Variants in CFAP54 observed in about 807,000 individuals in gnomAD.
CFAP54 encodes the protein cilia and flagella associated protein 54, also known as cilia- and flagella-associated protein 54.
In CFAP54, 290 loss-of-function variants were observed where a neutral mutation model predicts 370.4. The ratio of observed to expected loss-of-function variants is 0.78; its 90% confidence interval spans 0.71 to 0.86. The LOEUF is 0.86. Ranked by LOEUF, CFAP54 falls within the 40% of genes least tolerant of loss-of-function variation. The probability of loss-of-function intolerance (pLI) is 0.00; values close to 1 mark genes in which losing one functional copy is unlikely to be tolerated. For synonymous variants in CFAP54, 1,206 were observed against 1,236.5 expected, an observed-to-expected ratio of 0.98 and a Z score of 0.52; for missense variants, 3,399 against 3,528.7, an observed-to-expected ratio of 0.96 and a Z score of 0.93.
At chr12:96,639,267 A>T (rs1956697783) in intron 32 of CFAP54, among the ~76,000 whole-genome samples, 1 of 152,238 alleles carries the variant, frequency 6.6e-6, no homozygotes, top group Admixed American at 6.5e-5. Context: ...ATCCCACAGA[A>T]ATACAAACTA....
rs576913859 is a variant in CFAP54 at position 96,527,891 on chromosome 12, A to G, written c.1357+447A>G. Among the ~76,000 whole-genome samples the G allele has an allele frequency of 2.3e-3, 350 of 152,326 alleles. 3 individuals carry two copies. Among genetic ancestry groups the G allele is most frequent in the African/African-American group, 7.6e-3 (316 of 41,580 alleles). On this transcript the variant is annotated intron_variant, in intron 9 of 67. Transcript: ENST00000524981. ...CTGATATAATTTATATTGATCTTGAATTCAGAAACCTTGCTAAGGTCAATT... is the reference window on the plus strand; with the variant it reads ...CTGATATAATTTATATTGATCTTGAGTTCAGAAACCTTGCTAAGGTCAATT...
In CFAP54 at chr12:96,621,588, A is replaced by C. The variant is rs1369995323; in HGVS notation, c.3640-2A>C. 6.9e-7 allele frequency: 1 copy of C among 1,451,770 alleles called. No individual in the cohort carries two copies. Among genetic ancestry groups the C allele is most frequent in the Admixed American group, 2.2e-5 (1 of 46,064 alleles). 89.9% of individuals were successfully genotyped at this position (1,451,770 alleles called of 1,614,324 possible). A position where few individuals can be genotyped will look rare whatever the true frequency, so the allele number is the denominator to read the frequency against. ...AGATAATTAATAAATATTTTAAATT[A>C]GATTCTTCGTTCATGGAGGGAATAT... On this transcript the variant is annotated splice_acceptor_variant, in intron 26 of 67. Coordinates refer to ENST00000524981, the MANE Select transcript of CFAP54 (RefSeq NM_001306084.2). LOFTEE classifies it high-confidence loss of function.
intron 48 of CFAP54, among the ~76,000 whole-genome samples, chr12:96,709,442 T>C (rs908540102): frequency 2.0e-5 from 3 of 152,232 alleles, no homozygotes; most frequent in African/African-American, 7.2e-5. Context: ...AGGTGATTTT[T>C]ACCATTCAGT....
chr12:96,570,217 G>A (rs1390088718), intron 19 of CFAP54, among the ~76,000 whole-genome samples: 4 of 151,922 alleles, frequency 2.6e-5, no homozygotes, highest in African/African-American at 7.2e-5. Flanking sequence ...CAAGGGGTCC[G>A]CTTTCCTCAG....
At chr12:96,663,222 G>A (rs1379379029) in intron 38 of CFAP54, among the ~76,000 whole-genome samples, 6 of 152,172 alleles carry the variant, frequency 3.9e-5, no homozygotes, top group South Asian at 4.1e-4. Flanking sequence ...TAAAGAAGAA[G>A]CATCTATATC....
rs529809551 is a variant in CFAP54, at chr12:96,863,583, G to A, written c.*14+2631G>A. 3.1e-4 allele frequency among the ~76,000 whole-genome samples: 47 copies of A among 152,314 alleles called. No homozygotes were observed. In the South Asian group the frequency reaches 9.7e-3, roughly 32 times the overall value. ...CTCCATGGCTCTGGGAAATTGGATA[G>A]TAAAGGGAGAGGAAGACATAGTTGA... On this transcript the variant is annotated intron_variant, in intron 67 of 67. Transcript: ENST00000524981.
At chr12:96,839,873 T>C (rs1959200863) in intron 66 of CFAP54, among the ~76,000 whole-genome samples, 1 of 152,126 alleles carries the variant, frequency 6.6e-6, no homozygotes. Context: ...ACTTGTGACC[T>C]CTCTCTGTGG....
chr12:96,794,104 C>A (rs1242499565), intron 63 of CFAP54, among the ~76,000 whole-genome samples: 1 of 152,164 alleles, frequency 6.6e-6, no homozygotes. Flanking sequence ...GCTGAGAAAT[C>A]TGCTATTAAT....
intron 55 of CFAP54, among the ~76,000 whole-genome samples, chr12:96,747,523 T>C (rs754686800): frequency 6.6e-6 from 1 of 152,214 alleles, no homozygotes; most frequent in Non-Finnish European, 1.5e-5. Context: ...TTCCAGCAGA[T>C]AGTATGTGCT....
At chr12:96,682,357 A>T (rs1957282268) in intron 40 of CFAP54, 7 of 978,106 alleles carry the variant, frequency 7.2e-6, no homozygotes, top group Non-Finnish European at 8.5e-6. Context: ...GCCATTATGT[A>T]CTCATTTTCT....
At chr12:96,554,135 A>C (rs1197003940) in intron 15 of CFAP54, 47 bp from the exon 16 acceptor site, 2 of 1,310,500 alleles carry the variant, frequency 1.5e-6, no homozygotes, top group Non-Finnish European at 2.0e-6. Context: ...GTTGCATTTG[A>C]TTTTCCCTTG....
At chr12:96,548,588 G>A (rs10860052) in intron 15 of CFAP54, among the ~76,000 whole-genome samples, 15,292 of 152,196 alleles carry the variant, frequency 0.1, 1,252 homozygotes, top group East Asian at 0.45. Context: ...TCAAATGCAC[G>A]TTCCTCTTCT....
At chr12:96,826,382 T>C (rs1354773598) in intron 65 of CFAP54, among the ~76,000 whole-genome samples, 1 of 97,602 alleles carries the variant, frequency 1.0e-5, no homozygotes, top group African/African-American at 4.0e-5. Flanking sequence ...ATATTCAATA[T>C]ATTGTTATAT....
At chr12:96,501,583 C>G (rs1955027395) in intron 2 of CFAP54, among the ~76,000 whole-genome samples, 1 of 152,138 alleles carries the variant, frequency 6.6e-6, no homozygotes, top group African/African-American at 2.4e-5. Flanking sequence ...CATTAATGAT[C>G]ATGTGAGTTT....
intron 19 of CFAP54, among the ~76,000 whole-genome samples, chr12:96,571,098 G>C (rs1955912615): frequency 1.3e-5 from 2 of 152,234 alleles, no homozygotes; most frequent in South Asian, 4.2e-4. Flanking sequence ...TGTGATAGTT[G>C]ATTACATATG....
chr12:96,802,152 A>G (rs1958826445), intron 63 of CFAP54, among the ~76,000 whole-genome samples: 1 of 152,076 alleles, frequency 6.6e-6, no homozygotes, highest in African/African-American at 2.4e-5. Flanking sequence ...AGGAGGGACA[A>G]GAAAACCAGT....
chr12:96,779,844 A>G (rs1958564028), intron 60 of CFAP54, among the ~76,000 whole-genome samples: 1 of 152,044 alleles, frequency 6.6e-6, no homozygotes. Flanking sequence ...AAAGAAAGGA[A>G]GAGAGGAAAG....
intron 25 of CFAP54, 66 bp downstream of exon 25, chr12:96,594,512 A>G: frequency 1.6e-6 from 2 of 1,261,956 alleles, no homozygotes; most frequent in Non-Finnish European, 2.1e-6. Context: ...TTCATTTTAG[A>G]AAAGAAAAGC....
chr12:96,678,678 T>A (rs1449135768), intron 39 of CFAP54, among the ~76,000 whole-genome samples: 1 of 152,178 alleles, frequency 6.6e-6, no homozygotes, highest in East Asian at 1.9e-4. Flanking sequence ...TTGCTCACCT[T>A]TTCCTGCCTA....
Sources: allele counts gnomAD v4.1 joint callset (sites outside exome capture counted in the v4.1 genomes callset), GRCh38; gene constraint gnomAD v4.1.1; transcripts MANE v1.5; gene names NCBI Gene and HGNC (gene_info 2026-07-23, HGNC 2026-07-21).